The following BANF2 variants were observed in gnomAD, a reference collection of about 807,000 sequenced individuals.
BANF2 encodes BANF family member 2, also known as barrier-to-autointegration factor-like protein.
Under a neutral mutation model 8.0 loss-of-function variants are expected in BANF2, and 4 were observed. The observed-to-expected ratio is 0.50, with a 90% CI of 0.25 to 1.14. The LOEUF is 1.14. Ranked by LOEUF, BANF2 falls within the 50% of genes most tolerant of loss-of-function variation. The pLI is 0.16. For missense variants in BANF2, 96 were observed against 107.5 expected (o/e 0.89, Z 0.47); for synonymous variants, 50 against 40.6 (o/e 1.23, Z -0.88).
intron 3 of BANF2, among the ~76,000 whole-genome samples, chr20:17,731,759 G>GAAGAA (rs1555825913): frequency 3.2e-5 from 3 of 95,036 alleles, no homozygotes; most frequent in South Asian, 3.8e-4. Flanking sequence ...CGTCTCTTAG[G>GAAGAA]AAAAAAAAAA....
rs754929042 is a variant in BANF2, at chr20:17,735,679, G to A, written c.141G>A (p.Leu47=). The A allele has an allele frequency of 1.2e-6, 2 of 1,613,898 alleles. No homozygotes were observed. Among genetic ancestry groups the A allele is most frequent in the Non-Finnish European group, 1.7e-6 (2 of 1,179,864 alleles). ...TKGINKAYIL[L]GQFLLMHKNE... is the part of the protein sequence containing the mutation. ...CCCCTCCCCAGGCCTACATCCTGCT[G>A]GGACAATTCCTTCTGATGCACAAGA... The change falls in exon 4 of 4, where the codon CTG becomes CTA. Residue 47 remains leucine, a synonymous_variant. Coordinates refer to ENST00000246090, the MANE Select transcript of BANF2 (RefSeq NM_178477.5).
At chr20:17,698,063 T>C (rs142641968), upstream of BANF2, among the ~76,000 whole-genome samples, 900 of 152,004 alleles carry the variant, frequency 5.9e-3, 3 homozygotes, top group Non-Finnish European at 9.9e-3. Flanking sequence ...AAAAATTAGC[T>C]GGGAGTGGTG....
Position 17,725,164 on chromosome 20 carries a change from T to A in BANF2, c.126+13T>A, listed in dbSNP as rs373093541. 2.5e-6 allele frequency: 4 copies of A among 1,607,764 alleles called. No homozygotes were observed. The highest frequency in any genetic ancestry group is 3.4e-6 in the Non-Finnish European group (4 of 1,174,464). ...AGGTATCAATAAGGTAATTCATATT[T>A]TCTTACTTCTCTGACTTCTCTTCCC... On this transcript the variant is annotated intron_variant, in intron 3 of 3. Coordinates refer to ENST00000246090, the MANE Select transcript of BANF2 (RefSeq NM_178477.5).
In BANF2 at chr20:17,722,752, C is replaced by A. The variant is rs1206215823; in HGVS notation, c.-130C>A. On this transcript the variant is annotated 5_prime_UTR_variant, in exon 2 of 4. Transcript: ENST00000246090. ...ACATCAAGGCCACTTTTCTTAGGAG[C>A]CCCCTGACTTCCAAAATCAGTGCCT... is the stretch of plus-strand genomic sequence containing the variant. 3.0e-6 allele frequency: 3 copies of A among 984,482 alleles called. No individual in the cohort carries two copies. Among genetic ancestry groups the A allele is most frequent in the African/African-American group, 1.7e-5 (1 of 57,202 alleles). 61.0% of individuals were successfully genotyped at this position (984,482 alleles called of 1,614,324 possible).
At chr20:17,722,682 A>G in intron 1 of BANF2, 34 bp from the exon 2 acceptor site, 1 of 968,808 alleles carries the variant, frequency 1.0e-6, no homozygotes, top group Non-Finnish European at 1.2e-6. Flanking sequence ...GGGGACCCTG[A>G]ACAACCTCTC....
intron 3 of BANF2, among the ~76,000 whole-genome samples, chr20:17,727,160 C>A (rs956381451): frequency 6.6e-6 from 1 of 152,140 alleles, no homozygotes; most frequent in East Asian, 1.9e-4. Context: ...ACTTGCCTGT[C>A]GAGTCAGGGC....
Position 17,735,762 on chromosome 20 carries a change from C to T in BANF2, c.224C>T (p.Ala75Val). 3 of 1,614,010 alleles carry T rather than the reference C, an allele frequency of 1.9e-6. No individual in the cohort carries two copies. Among genetic ancestry groups the T allele is most frequent in the East Asian group, 4.5e-5 (2 of 44,878 alleles). Residue 75 changes from alanine to valine, a missense_variant, in exon 4 of 4, where the codon GCC (alanine) becomes GTC (valine). Coordinates refer to ENST00000246090, the MANE Select transcript of BANF2 (RefSeq NM_178477.5). ...ICCFGATECE[A>V]QQTSHCLKEW... ...TGTTTTGGTGCCACTGAGTGTGAGGCCCAGCAGACTTCTCACTGCCTCAAG... is the reference window on the plus strand; with the variant it reads ...TGTTTTGGTGCCACTGAGTGTGAGGTCCAGCAGACTTCTCACTGCCTCAAG...
At chr20:17,710,857 C>A (rs2037560203) in intron 1 of BANF2, among the ~76,000 whole-genome samples, 1 of 151,628 alleles carries the variant, frequency 6.6e-6, no homozygotes, top group Admixed American at 6.6e-5. Context: ...TGGACCCTTG[C>A]AGTTCCCGCA....
chr20:17,696,400 A>T (rs1291054975), upstream of BANF2, among the ~76,000 whole-genome samples: 1 of 152,234 alleles, frequency 6.6e-6, no homozygotes, highest in Non-Finnish European at 1.5e-5. Flanking sequence ...GGAAACTACC[A>T]GACAATTTTC....
chr20:17,703,452 A>G (rs1270715979), intron 1 of BANF2, among the ~76,000 whole-genome samples: 1 of 152,230 alleles, frequency 6.6e-6, no homozygotes, highest in Non-Finnish European at 1.5e-5. Context: ...TGAGGAGGAA[A>G]GGCGGTCATG....
intron 1 of BANF2, among the ~76,000 whole-genome samples, chr20:17,714,634 T>A (rs2122602335): frequency 6.6e-6 from 1 of 152,312 alleles, no homozygotes; most frequent in Non-Finnish European, 1.5e-5. Context: ...CATGAAACCT[T>A]ACTTAGAATT....
intron 1 of BANF2, 84 bp from the exon 2 acceptor site, chr20:17,722,632 C>A: frequency 1.4e-6 from 1 of 728,324 alleles, no homozygotes; most frequent in Non-Finnish European, 1.7e-6. Context: ...GGTCGATGCC[C>A]TCGGCTCACA....
At chr20:17,702,051 G>C (rs1600211229) in intron 1 of BANF2, among the ~76,000 whole-genome samples, 1 of 152,182 alleles carries the variant, frequency 6.6e-6, no homozygotes, top group Non-Finnish European at 1.5e-5. Context: ...TCTCAGATGA[G>C]CATGGTTAGG....
At chr20:17,702,155 A>G (rs898827191) in intron 1 of BANF2, among the ~76,000 whole-genome samples, 3 of 152,198 alleles carry the variant, frequency 2.0e-5, no homozygotes, top group Admixed American at 2.0e-4. Flanking sequence ...TTATGTCTCC[A>G]TCTGCCGCCT....
chr20:17,694,986 A>G (rs966929102), upstream of BANF2, among the ~76,000 whole-genome samples: 4 of 152,100 alleles, frequency 2.6e-5, no homozygotes, highest in African/African-American at 7.2e-5. Flanking sequence ...TATATAGATA[A>G]GAAAACTGAG....
intron 1 of BANF2, among the ~76,000 whole-genome samples, chr20:17,703,217 C>T (rs752846202): frequency 6.6e-6 from 1 of 152,172 alleles, no homozygotes; most frequent in Non-Finnish European, 1.5e-5. Context: ...CTAATTGTGT[C>T]CCCAGCCCCA....
intron 1 of BANF2, among the ~76,000 whole-genome samples, chr20:17,702,060 G>A (rs1391770578): frequency 6.6e-6 from 1 of 152,284 alleles, no homozygotes; most frequent in Admixed American, 6.5e-5. Flanking sequence ...AGCATGGTTA[G>A]GTAACCACCC....
At chr20:17,704,712 A>T (rs1351282137) in intron 1 of BANF2, among the ~76,000 whole-genome samples, 1 of 152,210 alleles carries the variant, frequency 6.6e-6, no homozygotes, top group South Asian at 2.1e-4. Context: ...GGTCTCTTTC[A>T]GTTAGGATTA....
intron 1 of BANF2, among the ~76,000 whole-genome samples, chr20:17,720,149 G>C (rs2037708290): frequency 6.6e-6 from 1 of 152,130 alleles, no homozygotes; most frequent in South Asian, 2.1e-4. Context: ...AGTGCCACTG[G>C]TACAGCCGCT....
Sources: allele counts gnomAD v4.1 joint callset (sites outside exome capture counted in the v4.1 genomes callset), GRCh38; gene constraint gnomAD v4.1.1; transcripts MANE v1.5; gene names NCBI Gene and HGNC (gene_info 2026-07-23, HGNC 2026-07-21).